The following DNTT variants were observed in gnomAD, a reference collection of about 807,000 sequenced individuals.
The protein encoded by DNTT is nucleosidetriphosphate:DNA deoxynucleotidylexotransferase.
Under a neutral mutation model 60.9 loss-of-function variants are expected in DNTT, and 47 were observed. That is an observed-to-expected ratio of 0.77 (90% CI 0.61 to 0.98). The LOEUF (loss-of-function observed/expected upper bound fraction) is 0.98, where lower values mean the gene tolerates loss of function less well. DNTT is among the 50% of genes least tolerant of loss of function. The pLI, the probability that DNTT is intolerant of heterozygous loss-of-function variation, is 0.00. For synonymous variants in DNTT, 224 were observed against 221.2 expected, an observed-to-expected ratio of 1.01 and a Z score of -0.11; for missense variants, 665 against 627.5, an observed-to-expected ratio of 1.06 and a Z score of -0.64.
At chr10:96,316,181 C>A (rs140775608) in intron 1 of DNTT, among the ~76,000 whole-genome samples, 15 of 152,336 alleles carry the variant, frequency 9.8e-5, no homozygotes, top group African/African-American at 3.6e-4. Context: ...CTGATTTCTA[C>A]CAAAAGTGCC....
At chr10:96,311,800 CA>C (rs1175245457) in intron 1 of DNTT, among the ~76,000 whole-genome samples, 4 of 152,154 alleles carry the variant, frequency 2.6e-5, no homozygotes, top group Admixed American at 2.6e-4. Context: ...CGTGCCACCA[CA>C]CCCAGCTAAT....
Position 96,304,659 on chromosome 10 carries a change from G to A in DNTT, c.162G>A (p.Glu54=). 6.2e-7 allele frequency: 1 copy of A among 1,614,126 alleles called. No homozygotes were observed. The highest frequency in any genetic ancestry group is 8.5e-7 in the Non-Finnish European group (1 of 1,180,010). ...CCACCCGCAGAGCGTTCCTCATGGAGCTGGCCCGCAGGAAAGGGTTCAGGG... is the reference window on the plus strand; with the variant it reads ...CCACCCGCAGAGCGTTCCTCATGGAACTGGCCCGCAGGAAAGGGTTCAGGG... ...MGTTRRAFLM[E]LARRKGFRVE... is the part of the protein sequence containing the mutation. Residue 54 remains glutamate, a synonymous_variant, in exon 1 of 11, where the codon GAG becomes GAA. Coordinates refer to ENST00000371174, the MANE Select transcript of DNTT (RefSeq NM_004088.4).
At position 96,338,122 on chromosome 10, in the gene DNTT, C is replaced by T; in HGVS notation, c.1444-16C>T. The T allele has an allele frequency of 6.2e-7, 1 of 1,605,832 alleles. No individual in the cohort carries two copies. The highest frequency in any genetic ancestry group is 8.5e-7 in the Non-Finnish European group (1 of 1,176,264). The stretch of plus-strand genomic sequence containing the variant: ...GAAAAATATCTGAATGCACATATTT[C>T]TTGTTATGTTTTCAGAGGATATTCC... On this transcript the variant is annotated splice_polypyrimidine_tract_variant and intron_variant, in intron 10 of 10. Transcript: ENST00000371174.
chr10:96,305,567 T>C (rs1419591270), intron 1 of DNTT, among the ~76,000 whole-genome samples: 2 of 152,338 alleles, frequency 1.3e-5, no homozygotes, highest in East Asian at 1.9e-4. Context: ...GAAGGAGTAA[T>C]GATTTATGCA....
intron 10 of DNTT, among the ~76,000 whole-genome samples, chr10:96,336,939 GGAAAA>G (rs1012385770): frequency 4.4e-5 from 3 of 68,284 alleles, no homozygotes; most frequent in African/African-American, 1.0e-4. Context: ...CTCTGTGTCA[GGAAAA>G]AAAAAAAAAA....
intron 1 of DNTT, chr10:96,306,711 G>A (rs554689329): frequency 1.3e-5 from 2 of 152,244 alleles, no homozygotes; most frequent in Non-Finnish European, 1.5e-5. Flanking sequence ...CAGCTGCTCA[G>A]GCGGCGGAGG....
intron 1 of DNTT, among the ~76,000 whole-genome samples, chr10:96,311,295 C>A (rs1844711265): frequency 6.6e-6 from 1 of 152,138 alleles, no homozygotes; most frequent in Non-Finnish European, 1.5e-5. Context: ...TGGGAAGAAT[C>A]AGGAATGACC....
intron 4 of DNTT, 100 bp downstream of exon 4, chr10:96,320,888 T>C (rs1844861544): frequency 4.2e-6 from 6 of 1,425,524 alleles, no homozygotes; most frequent in Admixed American, 4.3e-5. Flanking sequence ...TATGTAGATG[T>C]GGTGTACATC....
At chr10:96,306,677 A>T (rs1844642627) in intron 1 of DNTT, 1 of 152,248 alleles carries the variant, frequency 6.6e-6, no homozygotes, top group Admixed American at 6.5e-5. Context: ...CATGCCCCAG[A>T]TGCCTGCTGC....
intron 1 of DNTT, among the ~76,000 whole-genome samples, chr10:96,316,540 T>C (rs1423623860): frequency 1.3e-5 from 2 of 152,172 alleles, no homozygotes; most frequent in Admixed American, 1.3e-4. Flanking sequence ...TTCTAGAATG[T>C]AGTTGTCCCT....
At chr10:96,332,621 A>T in intron 9 of DNTT, 25 bp downstream of exon 9, 1 of 1,608,506 alleles carries the variant, frequency 6.2e-7, no homozygotes, top group South Asian at 1.1e-5. Flanking sequence ...GACCCATGGG[A>T]TGATGTTAGC....
At position 96,335,994 on chromosome 10, in the gene DNTT, AG is replaced by A; in HGVS notation, c.1443+24del. 2 of 1,613,330 alleles carry A rather than the reference AG, an allele frequency of 1.2e-6. No individual in the cohort carries two copies. Among genetic ancestry groups the A allele is most frequent in the Non-Finnish European group, 1.7e-6 (2 of 1,179,276 alleles). ...ACCAAGGTACAGTTCTCTTCCTAAAAGGGGCTACTTTGATCCTCATCCCCAA... is the reference window on the plus strand; with the variant it reads ...ACCAAGGTACAGTTCTCTTCCTAAAAGGGCTACTTTGATCCTCATCCCCAA... On this transcript the variant is annotated intron_variant, in intron 10 of 10. Transcript: ENST00000371174.
chr10:96,330,848 G>A (rs549059454), intron 8 of DNTT, among the ~76,000 whole-genome samples: 1 of 152,256 alleles, frequency 6.6e-6, no homozygotes, highest in African/African-American at 2.4e-5. Flanking sequence ...CTGAGCTTTA[G>A]CAAACCTTCC....
rs892272488 is a variant in DNTT, at chr10:96,320,846, G to A, written c.678+58G>A. On this transcript the variant is annotated intron_variant, in intron 4 of 10. Coordinates refer to ENST00000371174, the MANE Select transcript of DNTT (RefSeq NM_004088.4). ...AATAGGTAGGTGGGAACGGGGGAGA[G>A]AGGGATGTAGCTAACAGATTTTCCT... 4 of 1,592,676 alleles carry A rather than the reference G, an allele frequency of 2.5e-6. No individual in the cohort carries two copies. The Admixed American group carries it at 6.9e-5, about 27-fold the overall frequency.
chr10:96,332,456 T>C lies in DNTT; in HGVS notation c.1219T>C (p.Phe407Leu), dbSNP rs1480816250. ...LDHFQKCFLIFKLPRQRVDSD... is the reference protein window; with the variant it reads ...LDHFQKCFLILKLPRQRVDSD... ...TCATTTTCAAAAGTGCTTTCTGATT[T>C]TCAAATTGCCTCGTCAAAGAGTGGA... is the stretch of plus-strand genomic sequence containing the variant. The change falls in exon 9 of 11, where the codon TTC becomes CTC. Residue 407 changes from phenylalanine to leucine, a missense_variant. Coordinates refer to ENST00000371174, the MANE Select transcript of DNTT (RefSeq NM_004088.4). The C allele has an allele frequency of 1.2e-6, 2 of 1,614,198 alleles. No individual in the cohort carries two copies. The highest frequency in any genetic ancestry group is 3.3e-5 in the Admixed American group (2 of 60,024).
chr10:96,318,479 A>T lies in DNTT; in HGVS notation c.331A>T (p.Ile111Leu). 6.2e-7 allele frequency: 1 copy of T among 1,613,934 alleles called. No homozygotes were observed. The highest frequency in any genetic ancestry group is 8.5e-7 in the Non-Finnish European group (1 of 1,179,858). The change falls in exon 2 of 11, where the codon ATA becomes TTA. Residue 111 changes from isoleucine to leucine, a missense_variant. Coordinates refer to ENST00000371174, the MANE Select transcript of DNTT (RefSeq NM_004088.4). ...LLDVSWLIEC[I>L]RAGKPVEMTG... Reference sequence around the variant, plus strand: ...CGATGTCTCCTGGCTGATCGAATGCATAAGAGCAGGGAAACCGGTGGAAAT... The same window carrying T: ...CGATGTCTCCTGGCTGATCGAATGCTTAAGAGCAGGGAAACCGGTGGAAAT...
intron 1 of DNTT, among the ~76,000 whole-genome samples, chr10:96,307,343 G>GTTGTTTTTTTTTTTTTTTTTTTT (rs1844650391): frequency 1.5e-5 from 1 of 67,606 alleles, no homozygotes; most frequent in African/African-American, 6.4e-5. Context: ...GGGTTTTCCA[G>GTTGTTTTTTTTTTTTTTTTTTTT]TTTTTTTTTT....
rs562900731 is a variant in DNTT at position 96,313,653 on chromosome 10, G to T, written c.204-4699G>T. On this transcript the variant is annotated intron_variant, in intron 1 of 10. Coordinates refer to ENST00000371174, the MANE Select transcript of DNTT (RefSeq NM_004088.4). Reference sequence around the variant, plus strand: ...TAAGTAAGAATATGTGCACATGTGTGTATGTCATTATCATTATCTTTGCTA... The same window carrying T: ...TAAGTAAGAATATGTGCACATGTGTTTATGTCATTATCATTATCTTTGCTA... Among the ~76,000 whole-genome samples the T allele has an allele frequency of 5.9e-5, 9 of 152,296 alleles. No individual in the cohort carries two copies. In the East Asian group the frequency reaches 1.7e-3, roughly 29 times the overall value.
chr10:96,317,666 G>A (rs1844802657), intron 1 of DNTT, among the ~76,000 whole-genome samples: 1 of 152,180 alleles, frequency 6.6e-6, no homozygotes, highest in Non-Finnish European at 1.5e-5. Flanking sequence ...AGAGGCCCGA[G>A]AGAGCTGCCT....
Sources: gnomAD v4.1 joint callset for allele counts (sites outside exome capture counted in the v4.1 genomes callset) on GRCh38, gnomAD v4.1.1 for gene constraint, MANE v1.5 for transcripts, NCBI Gene and HGNC (gene_info 2026-07-23, HGNC 2026-07-21) for gene names.